GPHN: variants seen among roughly 807,000 people sequenced by gnomAD.
GPHN encodes the protein gephyrin.
In GPHN, 17 loss-of-function variants were observed where a neutral mutation model predicts 95.5. The observed-to-expected ratio is 0.18, with a 90% CI of 0.12 to 0.27. The LOEUF (loss-of-function observed/expected upper bound fraction) is 0.27, where lower values mean the gene tolerates loss of function less well. Ranked by LOEUF, GPHN falls within the 10% of genes least tolerant of loss-of-function variation. The pLI is 1.00. For synonymous variants in GPHN, 320 were observed against 322.5 expected (o/e 0.99, Z 0.08); for missense variants, 660 against 978.1 (o/e 0.67, Z 4.34).
the GPHN span, chr14:67,385,227 T>C: frequency 1.3e-5 from 2 of 152,150 alleles, no homozygotes; most frequent in Non-Finnish European, 2.9e-5. Context: ...AAGATACATA[T>C]GAGGACAAGG....
At chr14:67,431,902 T>C in the GPHN span, among the ~76,000 whole-genome samples, 3 of 152,238 alleles carry the variant, frequency 2.0e-5, no homozygotes, top group Admixed American at 2.0e-4. Flanking sequence ...CTTTTTCTTC[T>C]TCATTTTGCA....
intron 2 of GPHN, among the ~76,000 whole-genome samples, chr14:66,761,461 A>G (rs1427932246): frequency 6.6e-6 from 1 of 152,204 alleles, no homozygotes; most frequent in African/African-American, 2.4e-5. Flanking sequence ...TTTTGATTTT[A>G]GTACTTCCTG....
At chr14:67,219,186 T>C in the GPHN span, among the ~76,000 whole-genome samples, 1 of 152,178 alleles carries the variant, frequency 6.6e-6, no homozygotes, top group Non-Finnish European at 1.5e-5. Flanking sequence ...AAAACTAGGC[T>C]CAGGGCTTGT....
chr14:67,651,252 C>T, the GPHN span: 2 of 1,534,582 alleles, frequency 1.3e-6, no homozygotes, highest in South Asian at 1.3e-5. Flanking sequence ...CCTCCCTCCT[C>T]CCACAGCCTG....
At chr14:67,307,451 T>A in the GPHN span, among the ~76,000 whole-genome samples, 1 of 152,204 alleles carries the variant, frequency 6.6e-6, no homozygotes, top group Non-Finnish European at 1.5e-5. Context: ...ACCAGAAAAT[T>A]AACAGATTAT....
At chr14:67,585,805 C>A in the GPHN span, 1 of 1,033,794 alleles carries the variant, frequency 9.7e-7, no homozygotes, top group Non-Finnish European at 1.5e-6. Context: ...CTAGACACTG[C>A]TTGTAGATAT....
At chr14:66,685,843 T>A (rs1355061063) in intron 2 of GPHN, among the ~76,000 whole-genome samples, 2 of 152,230 alleles carry the variant, frequency 1.3e-5, no homozygotes, top group Admixed American at 6.5e-5. Context: ...CTGAATGGTA[T>A]TGCCTAGGTT....
intron 2 of GPHN, among the ~76,000 whole-genome samples, chr14:66,691,758 A>T (rs143198192): frequency 6.6e-6 from 1 of 152,334 alleles, no homozygotes; most frequent in Admixed American, 6.5e-5. Flanking sequence ...AGTGAGCTAA[A>T]TAATTTATCA....
chr14:66,853,224 A>C (rs890311396), intron 4 of GPHN, among the ~76,000 whole-genome samples: 12 of 152,194 alleles, frequency 7.9e-5, no homozygotes, highest in Non-Finnish European at 1.6e-4. Flanking sequence ...TTTATTTTGA[A>C]AATGTCAGAT....
At chr14:67,323,201 GTATA>G in the GPHN span, among the ~76,000 whole-genome samples, 1 of 146,702 alleles carries the variant, frequency 6.8e-6, no homozygotes, top group Non-Finnish European at 1.5e-5. Flanking sequence ...TATTATATGT[GTATA>G]TATATACATA....
At chr14:66,909,329 T>C (rs146797560) in intron 5 of GPHN, among the ~76,000 whole-genome samples, 4 of 152,176 alleles carry the variant, frequency 2.6e-5, no homozygotes, top group Admixed American at 2.6e-4. Flanking sequence ...ATGTTATGAG[T>C]CTGGGATAAT....
At chr14:67,152,681 C>T (rs1285553694) in intron 18 of GPHN, among the ~76,000 whole-genome samples, 1 of 152,108 alleles carries the variant, frequency 6.6e-6, no homozygotes, top group Non-Finnish European at 1.5e-5. Flanking sequence ...AAATTATGTT[C>T]ACTGGCGGGG....
At chr14:66,855,094 A>G (rs1040599139) in intron 4 of GPHN, among the ~76,000 whole-genome samples, 6 of 152,060 alleles carry the variant, frequency 3.9e-5, no homozygotes, top group African/African-American at 1.4e-4. Context: ...TGATCTGCCC[A>G]CCGCAGCCTC....
chr14:67,159,309 G>C lies in GPHN; in HGVS notation c.1837-106G>C, dbSNP rs952658371. ...AAATCAACTCCATTAAAATAAGAAA[G>C]ATGTTTCTTTTCATTTCAATCTTAT... On this transcript the variant is annotated intron_variant, in intron 18 of 22. Coordinates refer to ENST00000478722, the MANE Select transcript of GPHN (RefSeq NM_020806.5). 9 of 781,972 alleles carry C rather than the reference G, an allele frequency of 1.2e-5. No individual in the cohort carries two copies. The African/African-American group carries it at 1.4e-4, about 12-fold the overall frequency. The allele number at this position is 781,972 out of a possible 1,614,324, so 48.4% of individuals were successfully genotyped here. A position where few individuals can be genotyped will look rare whatever the true frequency, so the allele number is the denominator to read the frequency against.
intron 16 of GPHN, among the ~76,000 whole-genome samples, chr14:67,118,984 T>G (rs2078859311): frequency 6.6e-6 from 1 of 152,048 alleles, no homozygotes; most frequent in Non-Finnish European, 1.5e-5. Flanking sequence ...ATTTATAGGA[T>G]TTTGAGGACT....
chr14:67,656,507 T>A, the GPHN span: 1 of 1,613,902 alleles, frequency 6.2e-7, no homozygotes, highest in Non-Finnish European at 8.5e-7. Context: ...GGCAATCCGA[T>A]GAGAACGTTC....
the GPHN span, among the ~76,000 whole-genome samples, chr14:67,543,199 A>T: frequency 2.0e-5 from 3 of 152,350 alleles, no homozygotes; most frequent in East Asian, 5.8e-4. Flanking sequence ...ACCTCTCCAA[A>T]GAATGTCAAA....
intron 17 of GPHN, among the ~76,000 whole-genome samples, chr14:67,126,059 A>T (rs1353470284): frequency 1.3e-5 from 2 of 152,152 alleles, no homozygotes; most frequent in African/African-American, 4.8e-5. Context: ...AGTACTATGA[A>T]GATTACTGGA....
the GPHN span, chr14:67,653,396 C>T: frequency 6.3e-7 from 1 of 1,583,116 alleles, no homozygotes; most frequent in Non-Finnish European, 8.7e-7. Context: ...GGTTGAAAGC[C>T]ACTGAGTTAA....
Sources: gnomAD v4.1 joint callset for allele counts (sites outside exome capture counted in the v4.1 genomes callset) on GRCh38, gnomAD v4.1.1 for gene constraint, MANE v1.5 for transcripts, NCBI Gene and HGNC (gene_info 2026-07-23, HGNC 2026-07-21) for gene names.